DCC: variants seen among roughly 807,000 people sequenced by gnomAD.
The protein encoded by DCC is netrin receptor DCC.
Under a neutral mutation model 172.5 loss-of-function variants are expected in DCC, and 58 were observed. The observed-to-expected ratio is 0.34, with a 90% CI of 0.27 to 0.42. The LOEUF (loss-of-function observed/expected upper bound fraction) is 0.42, where lower values mean the gene tolerates loss of function less well. Among genes scored for constraint, DCC ranks in the 10% least tolerant of loss-of-function variants. DCC has a pLI of 1.00. For missense variants in DCC, 1,740 were observed against 1,791.0 expected (o/e 0.97, Z 0.51); for synonymous variants, 709 against 644.5 (o/e 1.10, Z -1.52).
intron 2 of DCC, among the ~76,000 whole-genome samples, chr18:52,802,154 G>T (rs1377791788): frequency 6.6e-6 from 1 of 151,978 alleles, no homozygotes; most frequent in Non-Finnish European, 1.5e-5. Context: ...GTGTCAAATT[G>T]CTTCTGAATC....
At chr18:53,068,787 GTGTGTGTGTGTATGTGTA>G (rs1211428992) in intron 7 of DCC, among the ~76,000 whole-genome samples, 3 of 151,348 alleles carry the variant, frequency 2.0e-5, no homozygotes, top group South Asian at 2.1e-4. Flanking sequence ...GTGTGTGTGT[GTGTGTGTGTGTATGTGTA>G]TGTGTGTGTG....
chr18:52,627,395 G>A (rs990704536), intron 1 of DCC, among the ~76,000 whole-genome samples: 1 of 152,148 alleles, frequency 6.6e-6, no homozygotes, highest in African/African-American at 2.4e-5. Flanking sequence ...TTAGGGATGT[G>A]GAGATTCACA....
chr18:53,328,972 G>A (rs1177288038), intron 14 of DCC, among the ~76,000 whole-genome samples: 1 of 152,108 alleles, frequency 6.6e-6, no homozygotes. Context: ...TACATTTAGG[G>A]AACAGATGTA....
intron 2 of DCC, among the ~76,000 whole-genome samples, chr18:52,785,010 A>G (rs1187534151): frequency 6.6e-6 from 1 of 151,880 alleles, no homozygotes; most frequent in African/African-American, 2.4e-5. Flanking sequence ...CAGATTTTAT[A>G]GGAAGGCTGG....
chr18:53,321,364 G>T (rs1212848456), intron 13 of DCC, among the ~76,000 whole-genome samples: 1 of 152,010 alleles, frequency 6.6e-6, no homozygotes, highest in East Asian at 1.9e-4. Flanking sequence ...TTTTGTAAGA[G>T]GAAAGTCACT....
At chr18:53,062,098 C>A (rs2042503388) in intron 5 of DCC, among the ~76,000 whole-genome samples, 1 of 151,830 alleles carries the variant, frequency 6.6e-6, no homozygotes. Context: ...ATAATTTTAG[C>A]CAAGTTGTTT....
rs113692525 is a variant in DCC at position 52,987,393 on chromosome 18, G to A, written c.985+62023G>A. The stretch of plus-strand genomic sequence containing the variant: ...CTGCAGATTTCCAAGAAACTCTTTG[G>A]TTTGCAGGCCTAGTATGAGCAAATT... On this transcript the variant is annotated intron_variant, in intron 5 of 28. Transcript: ENST00000442544. 6.4e-4 allele frequency among the ~76,000 whole-genome samples: 98 copies of A among 152,270 alleles called. 1 individual carries two copies. Among genetic ancestry groups the A allele is most frequent in the African/African-American group, 2.3e-3 (96 of 41,574 alleles).
chr18:53,184,901 C>T (rs190005327), intron 9 of DCC, among the ~76,000 whole-genome samples: 1 of 152,128 alleles, frequency 6.6e-6, no homozygotes, highest in Non-Finnish European at 1.5e-5. Flanking sequence ...CTCTGTCTAG[C>T]TCATTACTTT....
intron 27 of DCC, among the ~76,000 whole-genome samples, chr18:53,504,579 C>T (rs896789972): frequency 2.6e-5 from 4 of 152,012 alleles, no homozygotes; most frequent in South Asian, 2.1e-4. Flanking sequence ...TAGGATGATT[C>T]GATTTGGTCT....
At chr18:52,440,797 G>A (rs1289752763) in intron 1 of DCC, among the ~76,000 whole-genome samples, 1 of 152,106 alleles carries the variant, frequency 6.6e-6, no homozygotes, top group Non-Finnish European at 1.5e-5. Flanking sequence ...AATCAGAATT[G>A]GCCATAATTA....
chr18:53,138,454 G>T (rs2043780237), intron 7 of DCC, among the ~76,000 whole-genome samples: 1 of 152,122 alleles, frequency 6.6e-6, no homozygotes, highest in Non-Finnish European at 1.5e-5. Flanking sequence ...CATAATATTA[G>T]TTACAGATGT....
intron 3 of DCC, among the ~76,000 whole-genome samples, chr18:52,907,562 T>C (rs1297493732): frequency 6.6e-6 from 1 of 152,026 alleles, no homozygotes; most frequent in Admixed American, 6.6e-5. Context: ...CACAGAATTG[T>C]GGCACCACAC....
At chr18:53,099,923 T>C (rs1322347614) in intron 7 of DCC, among the ~76,000 whole-genome samples, 1 of 137,722 alleles carries the variant, frequency 7.3e-6, no homozygotes, top group African/African-American at 2.9e-5. Flanking sequence ...TAAGAGACTT[T>C]TCTTTTCTTT....
chr18:52,843,235 C>T (rs1312253772), intron 2 of DCC, among the ~76,000 whole-genome samples: 2 of 152,094 alleles, frequency 1.3e-5, no homozygotes, highest in African/African-American at 4.8e-5. Context: ...AAAGGATTAA[C>T]AAGATTTTGC....
intron 5 of DCC, among the ~76,000 whole-genome samples, chr18:52,966,165 A>G (rs892615378): frequency 2.0e-5 from 3 of 152,158 alleles, no homozygotes; most frequent in African/African-American, 7.2e-5. Flanking sequence ...GCTATTTTGA[A>G]GCCAAGATTT....
At chr18:53,325,447 C>T (rs746265412) in intron 14 of DCC, among the ~76,000 whole-genome samples, 7 of 152,158 alleles carry the variant, frequency 4.6e-5, no homozygotes, top group Non-Finnish European at 1.0e-4. Context: ...ATGAAACAGA[C>T]GCTCTACTTG....
At chr18:52,600,103 T>A (rs762742149) in intron 1 of DCC, among the ~76,000 whole-genome samples, 1 of 152,250 alleles carries the variant, frequency 6.6e-6, no homozygotes, top group Non-Finnish European at 1.5e-5. Flanking sequence ...TATTTTACTA[T>A]AATTTATTAT....
At chr18:52,507,918 T>C (rs901016962) in intron 1 of DCC, among the ~76,000 whole-genome samples, 2 of 152,086 alleles carry the variant, frequency 1.3e-5, no homozygotes, top group East Asian at 1.9e-4. Context: ...CTGACCAATA[T>C]GGTGAAACCC....
Position 53,452,879 on chromosome 18 carries a change from T to C in DCC, c.3392+2217T>C, listed in dbSNP as rs1024274667. On this transcript the variant is annotated intron_variant, in intron 23 of 28. Coordinates refer to ENST00000442544, the MANE Select transcript of DCC (RefSeq NM_005215.4). ...TTTCCTTCAAGTTATTTCTGAACTA[T>C]AGTTTAGTGGGGTTTGTTTGTTTGT... 3.3e-5 allele frequency among the ~76,000 whole-genome samples: 5 copies of C among 150,660 alleles called. 1 individual carries two copies. The highest frequency in any genetic ancestry group is 6.7e-5 in the Admixed American group (1 of 15,030).
Sources: allele counts gnomAD v4.1 joint callset (sites outside exome capture counted in the v4.1 genomes callset), GRCh38; gene constraint gnomAD v4.1.1; transcripts MANE v1.5; gene names NCBI Gene and HGNC (gene_info 2026-07-23, HGNC 2026-07-21).